Variants in NLGN1 observed in about 807,000 individuals in gnomAD.
The protein encoded by NLGN1 is neuroligin-1.
In NLGN1, 12 loss-of-function variants were observed where a neutral mutation model predicts 65.5. The ratio of observed to expected loss-of-function variants is 0.18; its 90% confidence interval spans 0.12 to 0.30. NLGN1 has a LOEUF of 0.30. NLGN1 is among the 10% of genes least tolerant of loss of function. NLGN1 has a pLI of 1.00. For missense variants in NLGN1, 750 were observed against 1,007.1 expected, an observed-to-expected ratio of 0.74 and a Z score of 3.46; for synonymous variants, 350 against 359.5, an observed-to-expected ratio of 0.97 and a Z score of 0.30.
At chr3:173,489,234 T>C (rs551511727) in intron 2 of NLGN1, among the ~76,000 whole-genome samples, 1,615 of 146,730 alleles carry the variant, frequency 0.011, 26 homozygotes, top group African/African-American at 0.038. Flanking sequence ...TCCCTCCCCC[T>C]TACCCCCACC....
chr3:173,860,265 G>A (rs1578837760), intron 4 of NLGN1, among the ~76,000 whole-genome samples: 1 of 151,652 alleles, frequency 6.6e-6, no homozygotes, highest in South Asian at 2.1e-4. Flanking sequence ...TTTGATTGTT[G>A]TTCAGTTCTA....
At chr3:173,594,206 G>T (rs137967099) in intron 2 of NLGN1, among the ~76,000 whole-genome samples, 1 of 152,258 alleles carries the variant, frequency 6.6e-6, no homozygotes, top group African/African-American at 2.4e-5. Flanking sequence ...CTGAGGAAAG[G>T]CAAGCCCCTT....
At chr3:173,672,778 C>T (rs1399980768) in intron 3 of NLGN1, among the ~76,000 whole-genome samples, 2 of 152,082 alleles carry the variant, frequency 1.3e-5, no homozygotes, top group Non-Finnish European at 2.9e-5. Context: ...AGTTGAAGTA[C>T]CTATAACAAT....
intron 4 of NLGN1, among the ~76,000 whole-genome samples, chr3:174,077,312 A>G (rs1217572504): frequency 6.6e-6 from 1 of 152,170 alleles, no homozygotes; most frequent in Non-Finnish European, 1.5e-5. Context: ...CAACCTAGAT[A>G]CCCTGACTAA....
At chr3:174,248,242 C>T (rs1017816468) in intron 4 of NLGN1, among the ~76,000 whole-genome samples, 5 of 152,088 alleles carry the variant, frequency 3.3e-5, no homozygotes, top group Non-Finnish European at 7.4e-5. Context: ...ATATGGCATA[C>T]TGTGTGTAGA....
At chr3:174,021,468 A>G (rs1727735971) in intron 4 of NLGN1, among the ~76,000 whole-genome samples, 1 of 152,048 alleles carries the variant, frequency 6.6e-6, no homozygotes, top group South Asian at 2.1e-4. Flanking sequence ...TTTGTTTTTT[A>G]TTTATCATCC....
intron 1 of NLGN1, among the ~76,000 whole-genome samples, chr3:173,418,035 CTTTT>C (rs1461967833): frequency 6.6e-6 from 1 of 151,092 alleles, no homozygotes; most frequent in African/African-American, 2.4e-5. Flanking sequence ...CATTCTCTTT[CTTTT>C]TATTTGTTTA....
intron 4 of NLGN1, among the ~76,000 whole-genome samples, chr3:173,940,667 A>T (rs147923408): frequency 2.3e-3 from 346 of 152,310 alleles, no homozygotes; most frequent in African/African-American, 8.0e-3. Flanking sequence ...GGGGGACAGA[A>T]TATCAAAAAT....
At chr3:173,787,635 C>G (rs993705510) in intron 3 of NLGN1, among the ~76,000 whole-genome samples, 1 of 152,134 alleles carries the variant, frequency 6.6e-6, no homozygotes, top group Non-Finnish European at 1.5e-5. Flanking sequence ...CATGAGGCCT[C>G]TTATCCCATA....
At chr3:173,943,387 A>G (rs12497156) in intron 4 of NLGN1, among the ~76,000 whole-genome samples, 40,475 of 152,050 alleles carry the variant, frequency 0.27, 5,632 homozygotes, top group East Asian at 0.34. Context: ...TTCAGAACCA[A>G]ACAGCTCTTA....
intron 2 of NLGN1, among the ~76,000 whole-genome samples, chr3:173,591,593 A>C (rs918132007): frequency 2.6e-5 from 4 of 152,188 alleles, no homozygotes; most frequent in Non-Finnish European, 4.4e-5. Context: ...TCATCCTCCA[A>C]GGGGTCAAGA....
chr3:173,509,081 G>A lies in NLGN1; in HGVS notation c.-321+74003G>A, dbSNP rs190172385. ...AATACATACAAATTTCTTTCATACC[G>A]GGTCCATATTTAAGAATATGTTGAA... is the stretch of plus-strand genomic sequence containing the variant. On this transcript the variant is annotated intron_variant, in intron 2 of 6. Coordinates refer to ENST00000457714, the Ensembl canonical transcript of NLGN1. Among the ~76,000 whole-genome samples, 356 of 152,118 alleles carry A rather than the reference G, an allele frequency of 2.3e-3. 5 individuals are homozygous for A. The highest frequency in any genetic ancestry group is 8.3e-3 in the African/African-American group (345 of 41,524).
chr3:173,472,113 T>A (rs1005574574), intron 2 of NLGN1, among the ~76,000 whole-genome samples: 44 of 152,206 alleles, frequency 2.9e-4, no homozygotes, highest in African/African-American at 1.0e-3. Context: ...GAAAAAGTCA[T>A]TATATGTAAA....
chr3:173,540,069 TC>T (rs1160229157), intron 2 of NLGN1, among the ~76,000 whole-genome samples: 4 of 151,910 alleles, frequency 2.6e-5, no homozygotes, highest in East Asian at 1.9e-4. Context: ...GGTTAAGTGT[TC>T]AGTTTCTACG....
At chr3:173,873,897 G>A (rs1278553510) in intron 4 of NLGN1, among the ~76,000 whole-genome samples, 1 of 152,012 alleles carries the variant, frequency 6.6e-6, no homozygotes, top group African/African-American at 2.4e-5. Context: ...ATATAATTAA[G>A]GTAAAATGAG....
intron 3 of NLGN1, among the ~76,000 whole-genome samples, chr3:173,693,878 A>G (rs1765815679): frequency 6.6e-6 from 1 of 152,152 alleles, no homozygotes; most frequent in Non-Finnish European, 1.5e-5. Flanking sequence ...AATAATATTA[A>G]GGTGTTTATA....
At position 174,090,009 on chromosome 3, in the gene NLGN1, A is replaced by C. The variant is rs571220290; in HGVS notation, c.647-185306A>C. ...TAACTCATTAACTCTTTATCAGCCA[A>C]AAGGCAGTTCTATAATGAAATTTAT... On this transcript the variant is annotated intron_variant, in intron 4 of 6. Coordinates refer to ENST00000457714, the Ensembl canonical transcript of NLGN1. 5.9e-5 allele frequency among the ~76,000 whole-genome samples: 9 copies of C among 152,234 alleles called. No individual in the cohort carries two copies. The South Asian group carries it at 1.9e-3, about 32-fold the overall frequency.
At chr3:173,513,158 C>G (rs968810428) in intron 2 of NLGN1, among the ~76,000 whole-genome samples, 2 of 152,128 alleles carry the variant, frequency 1.3e-5, no homozygotes, top group Non-Finnish European at 2.9e-5. Context: ...TGAGGGCAGA[C>G]TTTGTTACAG....
At chr3:173,807,167 A>T (rs113022738) in intron 3 of NLGN1, among the ~76,000 whole-genome samples, 1 of 152,138 alleles carries the variant, frequency 6.6e-6, no homozygotes, top group Non-Finnish European at 1.5e-5. Flanking sequence ...TACTGTAATT[A>T]TGTTCACAAA....
Sources: allele counts gnomAD v4.1 joint callset (sites outside exome capture counted in the v4.1 genomes callset), GRCh38; gene constraint gnomAD v4.1.1; transcripts MANE v1.5; gene names NCBI Gene and HGNC (gene_info 2026-07-23, HGNC 2026-07-21).